TSHZ2: variants seen among roughly 807,000 people sequenced by gnomAD.
The protein encoded by TSHZ2 is teashirt homolog 2.
TSHZ2 carries 21 observed loss-of-function variants against 74.4 expected under a neutral mutation model. The observed-to-expected ratio is 0.28, with a 90% CI of 0.20 to 0.41. The LOEUF (loss-of-function observed/expected upper bound fraction) is 0.41. TSHZ2 is among the 10% of genes least tolerant of loss of function. The pLI, the probability that TSHZ2 is intolerant of heterozygous loss-of-function variation, is 1.00. For synonymous variants in TSHZ2, 540 were observed against 515.3 expected (o/e 1.05, Z -0.65); for missense variants, 1,244 against 1,293.5 (o/e 0.96, Z 0.59).
intron 1 of TSHZ2, among the ~76,000 whole-genome samples, chr20:52,982,889 A>G (rs1981620970): frequency 6.6e-6 from 1 of 152,174 alleles, no homozygotes; most frequent in Non-Finnish European, 1.5e-5. Flanking sequence ...CAGAGGAAGG[A>G]GGAAATGCCA....
intron 1 of TSHZ2, among the ~76,000 whole-genome samples, chr20:53,139,196 T>C (rs1987326388): frequency 6.6e-6 from 1 of 152,212 alleles, no homozygotes; most frequent in African/African-American, 2.4e-5. Context: ...GCTTGCTCTC[T>C]GCCTCTCCTC....
At chr20:53,200,881 T>C (rs1025209677) in intron 1 of TSHZ2, among the ~76,000 whole-genome samples, 1 of 152,198 alleles carries the variant, frequency 6.6e-6, no homozygotes, top group Non-Finnish European at 1.5e-5. Flanking sequence ...AAAATAATTA[T>C]GGTGGGAACA....
At chr20:53,212,424 C>A (rs978319558) in intron 1 of TSHZ2, among the ~76,000 whole-genome samples, 18 of 152,138 alleles carry the variant, frequency 1.2e-4, no homozygotes, top group African/African-American at 4.3e-4. Flanking sequence ...CTGTAAAATT[C>A]TTTCTTGTAA....
intron 2 of TSHZ2, among the ~76,000 whole-genome samples, chr20:53,383,316 CA>C (rs1438060138): frequency 2.0e-5 from 3 of 151,862 alleles, no homozygotes; most frequent in Admixed American, 6.6e-5. Flanking sequence ...AGAAAGACTA[CA>C]CAAATATTAG....
chr20:53,386,049 G>A (rs957810760), intron 2 of TSHZ2, among the ~76,000 whole-genome samples: 1 of 152,060 alleles, frequency 6.6e-6, no homozygotes, highest in African/African-American at 2.4e-5. Context: ...AAATGAGCCT[G>A]GCTCCTCCAC....
intron 1 of TSHZ2, among the ~76,000 whole-genome samples, chr20:53,056,160 A>G (rs1264766315): frequency 1.3e-5 from 2 of 152,212 alleles, no homozygotes; most frequent in African/African-American, 2.4e-5. Flanking sequence ...GGTTGCGTGA[A>G]CTTAATAAAT....
intron 2 of TSHZ2, among the ~76,000 whole-genome samples, chr20:53,485,017 T>G (rs1333352451): frequency 6.6e-6 from 1 of 152,214 alleles, no homozygotes; most frequent in African/African-American, 2.4e-5. Context: ...ACAAGAAACT[T>G]CACTCAGATT....
Position 53,216,221 on chromosome 20 carries a change from G to T in TSHZ2, c.41-37278G>T, listed in dbSNP as rs186457345. ...CACCCAAGGAATGTCCCTGTCATCT[G>T]TTCTCACCTTGCAATTGCTGGTCCT... On this transcript the variant is annotated intron_variant, in intron 1 of 2. Coordinates refer to ENST00000371497, the MANE Select transcript of TSHZ2 (RefSeq NM_173485.6). Among the ~76,000 whole-genome samples, 7 of 128,414 alleles carry T rather than the reference G, an allele frequency of 5.5e-5. No individual in the cohort carries two copies. In the East Asian group the frequency reaches 1.4e-3, roughly 25 times the overall value. 84.2% of individuals were successfully genotyped at this position (128,414 alleles called of 152,430 possible). A position where few individuals can be genotyped will look rare whatever the true frequency, so the allele number is the denominator to read the frequency against.
intron 2 of TSHZ2, among the ~76,000 whole-genome samples, chr20:53,288,157 A>G (rs1466900186): frequency 6.6e-6 from 1 of 152,152 alleles, no homozygotes; most frequent in African/African-American, 2.4e-5. Flanking sequence ...TCCCTCCTGC[A>G]CTTTGGGAGG....
At position 53,176,684 on chromosome 20, in the gene TSHZ2, T is replaced by A. The variant is rs1600725377; in HGVS notation, c.41-76815T>A. Among the ~76,000 whole-genome samples, 3 of 151,304 alleles carry A rather than the reference T, an allele frequency of 2.0e-5. No homozygotes were observed. In the South Asian group the frequency reaches 6.2e-4, roughly 31 times the overall value. On this transcript the variant is annotated intron_variant, in intron 1 of 2. Transcript: ENST00000371497. ...TTATTTAGAAGTTGTATTTCTTTGTTTCTTTCTTTTTTTTTTTTTTTTAGA... is the reference window on the plus strand; with the variant it reads ...TTATTTAGAAGTTGTATTTCTTTGTATCTTTCTTTTTTTTTTTTTTTTAGA...
At chr20:53,478,621 C>T (rs1184761067) in intron 2 of TSHZ2, among the ~76,000 whole-genome samples, 1 of 151,152 alleles carries the variant, frequency 6.6e-6, no homozygotes, top group East Asian at 1.9e-4. Flanking sequence ...ATGTAACTAA[C>T]CTACACAATG....
intron 1 of TSHZ2, among the ~76,000 whole-genome samples, chr20:53,194,350 T>C (rs557504045): frequency 6.6e-6 from 1 of 152,334 alleles, no homozygotes; most frequent in Admixed American, 6.5e-5. Context: ...ATACCTCTAG[T>C]TGGCTTTTTT....
chr20:53,474,112 A>G (rs975947593), intron 2 of TSHZ2, among the ~76,000 whole-genome samples: 1 of 150,240 alleles, frequency 6.7e-6, no homozygotes, highest in African/African-American at 2.5e-5. Context: ...AACTTCCCCA[A>G]TCTAGCAAGG....
intron 1 of TSHZ2, among the ~76,000 whole-genome samples, chr20:53,105,282 T>C (rs1308692370): frequency 1.3e-5 from 2 of 152,196 alleles, no homozygotes; most frequent in Non-Finnish European, 2.9e-5. Flanking sequence ...TTTCTCCACT[T>C]CCTTTACCTT....
chr20:53,336,840 G>A (rs545630259), intron 2 of TSHZ2, among the ~76,000 whole-genome samples: 38 of 151,900 alleles, frequency 2.5e-4, no homozygotes, highest in East Asian at 9.7e-4. Context: ...GTGCATATAC[G>A]TATATGTGTG....
chr20:53,020,080 C>G (rs1361153557), intron 1 of TSHZ2, among the ~76,000 whole-genome samples: 1 of 152,060 alleles, frequency 6.6e-6, no homozygotes, highest in African/African-American at 2.4e-5. Context: ...ACCGTGAGAG[C>G]TCGTGAGAAC....
chr20:53,257,948 T>C (rs978640830), intron 2 of TSHZ2, among the ~76,000 whole-genome samples: 4 of 152,198 alleles, frequency 2.6e-5, no homozygotes, highest in Non-Finnish European at 4.4e-5. Flanking sequence ...TAGAGAGCGG[T>C]ATTTACATGG....
At chr20:53,428,601 T>C (rs1284326842) in intron 2 of TSHZ2, among the ~76,000 whole-genome samples, 1 of 152,156 alleles carries the variant, frequency 6.6e-6, no homozygotes, top group Admixed American at 6.5e-5. Context: ...AATGAACTCA[T>C]TGGCATTACA....
At position 53,293,715 on chromosome 20, in the gene TSHZ2, A is replaced by AAG. The variant is rs1555847090; in HGVS notation, c.*8+37145_*8+37146insGA. 6.8e-5 allele frequency among the ~76,000 whole-genome samples: 10 copies of AAG among 148,000 alleles called. No homozygotes were observed. In the East Asian group the frequency reaches 1.4e-3, roughly 21 times the overall value. ...AACTGGCTCTCAAAAAAAAAAAAAA[A>AAG]AAAGAAAAGAAACAGGTCCTGGCCA... On this transcript the variant is annotated intron_variant, in intron 2 of 2. Transcript: ENST00000371497.
Sources: gnomAD v4.1 joint callset for allele counts (sites outside exome capture counted in the v4.1 genomes callset) on GRCh38, gnomAD v4.1.1 for gene constraint, MANE v1.5 for transcripts, NCBI Gene and HGNC (gene_info 2026-07-23, HGNC 2026-07-21) for gene names.